Variants in PLCB4 observed in about 807,000 individuals in gnomAD.
PLCB4 encodes 1-phosphatidylinositol 4,5-bisphosphate phosphodiesterase beta-4.
A neutral mutation model predicts 178.8 loss-of-function variants in PLCB4; 77 were observed. The observed-to-expected ratio is 0.43, with a 90% CI of 0.36 to 0.52. The LOEUF (loss-of-function observed/expected upper bound fraction) is 0.52. Ranked by LOEUF, PLCB4 falls within the 20% of genes least tolerant of loss-of-function variation. The probability of loss-of-function intolerance (pLI) is 0.00; values close to 1 mark genes in which losing one functional copy is unlikely to be tolerated. For missense variants in PLCB4, 1,024 were observed against 1,453.4 expected, an observed-to-expected ratio of 0.70 and a Z score of 4.80; for synonymous variants, 496 against 490.8, an observed-to-expected ratio of 1.01 and a Z score of -0.14.
intron 2 of PLCB4, among the ~76,000 whole-genome samples, chr20:9,159,501 C>T (rs183943144): frequency 2.5e-4 from 38 of 152,224 alleles, no homozygotes; most frequent in Admixed American, 8.5e-4. Flanking sequence ...CTTCTTAATT[C>T]CCAAGACCTC....
intron 3 of PLCB4, among the ~76,000 whole-genome samples, chr20:9,219,898 A>C (rs1357668818): frequency 1.3e-5 from 2 of 152,174 alleles, no homozygotes; most frequent in African/African-American, 4.8e-5. Context: ...TTAGTTCTAA[A>C]TGTATTTTTT....
intron 19 of PLCB4, among the ~76,000 whole-genome samples, chr20:9,400,982 C>T (rs1277401829): frequency 2.0e-5 from 3 of 152,012 alleles, no homozygotes; most frequent in African/African-American, 7.2e-5. Flanking sequence ...GTAGCACAAT[C>T]CTTCTGAGGC....
At chr20:9,251,064 T>C (rs1359578500) in intron 3 of PLCB4, among the ~76,000 whole-genome samples, 1 of 152,204 alleles carries the variant, frequency 6.6e-6, no homozygotes, top group Non-Finnish European at 1.5e-5. Context: ...CTCTTGCTAT[T>C]ATCTGTTGGG....
chr20:9,297,380 G>A (rs1400258870), intron 3 of PLCB4, among the ~76,000 whole-genome samples: 1 of 152,014 alleles, frequency 6.6e-6, no homozygotes, highest in Non-Finnish European at 1.5e-5. Context: ...AAGGGTCAGA[G>A]TGGGGTGAGG....
At chr20:9,116,508 G>A (rs916020550) in intron 2 of PLCB4, among the ~76,000 whole-genome samples, 9 of 152,010 alleles carry the variant, frequency 5.9e-5, no homozygotes, top group African/African-American at 1.9e-4. Context: ...CAGTATCACA[G>A]AGCTAAGACT....
At chr20:9,418,686 C>T (rs943739467) in intron 25 of PLCB4, among the ~76,000 whole-genome samples, 1 of 152,070 alleles carries the variant, frequency 6.6e-6, no homozygotes, top group African/African-American at 2.4e-5. Flanking sequence ...TTAGGATTAG[C>T]TTGTCAGTTT....
At chr20:9,220,129 G>A (rs2093779917) in intron 3 of PLCB4, among the ~76,000 whole-genome samples, 2 of 152,062 alleles carry the variant, frequency 1.3e-5, no homozygotes, top group Admixed American at 1.3e-4. Flanking sequence ...TGCATTAAGT[G>A]ACCTTTGCAT....
At position 9,238,469 on chromosome 20, in the gene PLCB4, G is replaced by A. The variant is rs1005827323; in HGVS notation, c.-16+21017G>A. The stretch of plus-strand genomic sequence containing the variant: ...CATCCTTCAGCACAGCAGGAACACT[G>A]GTGAACAGCATAGCCTTTGATTTCC... On this transcript the variant is annotated intron_variant, in intron 3 of 39. Coordinates refer to ENST00000378473, the MANE Select transcript of PLCB4 (RefSeq NM_001377142.1). Among the ~76,000 whole-genome samples the A allele has an allele frequency of 2.6e-5, 4 of 152,116 alleles. No individual in the cohort carries two copies. In the South Asian group the frequency reaches 8.3e-4, roughly 32 times the overall value.
Position 9,339,007 on chromosome 20 carries a change from C to T in PLCB4, c.339C>T (p.Tyr113=), listed in dbSNP as rs763420743. The T allele has an allele frequency of 6.2e-7, 1 of 1,613,264 alleles. No homozygotes were observed. The highest frequency in any genetic ancestry group is 8.5e-7 in the Non-Finnish European group (1 of 1,179,472). The change falls in exon 7 of 40, where the codon TAC becomes TAT. Residue 113 remains tyrosine (Y), a synonymous_variant. Transcript: ENST00000378473. ...GTDLVNISFT[Y]MVAENPEVTK... ...ATCTAGTGAACATTAGTTTTACCTACATGGTGGCTGAAAATCCAGAAGTAA... is the reference window on the plus strand; with the variant it reads ...ATCTAGTGAACATTAGTTTTACCTATATGGTGGCTGAAAATCCAGAAGTAA...
intron 7 of PLCB4, among the ~76,000 whole-genome samples, chr20:9,349,459 C>T (rs1244336194): frequency 6.6e-6 from 1 of 152,120 alleles, no homozygotes; most frequent in African/African-American, 2.4e-5. Context: ...TCAATGTAAC[C>T]GCAAATCCCC....
chr20:9,099,065 T>C (rs1395622903), intron 2 of PLCB4, among the ~76,000 whole-genome samples: 1 of 152,038 alleles, frequency 6.6e-6, no homozygotes, highest in Non-Finnish European at 1.5e-5. Flanking sequence ...TCTTAATCAA[T>C]AGAAATTAAA....
At chr20:9,218,950 A>G (rs1434916380) in intron 3 of PLCB4, among the ~76,000 whole-genome samples, 2 of 152,120 alleles carry the variant, frequency 1.3e-5, no homozygotes, top group Non-Finnish European at 2.9e-5. Context: ...AATCTGGACT[A>G]TCCACTTTCT....
chr20:9,196,983 G>A (rs1457652148), intron 2 of PLCB4, among the ~76,000 whole-genome samples: 2 of 152,192 alleles, frequency 1.3e-5, no homozygotes, highest in African/African-American at 2.4e-5. Flanking sequence ...AAGAAAGCAA[G>A]ATGCTCAGTG....
At chr20:9,186,958 G>C (rs754260957) in intron 2 of PLCB4, among the ~76,000 whole-genome samples, 1 of 151,728 alleles carries the variant, frequency 6.6e-6, no homozygotes, top group South Asian at 2.1e-4. Flanking sequence ...TTCCCTACCT[G>C]TTGTTTTATT....
At chr20:9,370,309 T>A (rs1160765364) in intron 9 of PLCB4, among the ~76,000 whole-genome samples, 4 of 152,184 alleles carry the variant, frequency 2.6e-5, no homozygotes, top group Admixed American at 2.6e-4. Context: ...CAACCCATCA[T>A]GTTGACAGTA....
At chr20:9,455,114 T>C (rs1255237502) in intron 33 of PLCB4, among the ~76,000 whole-genome samples, 1 of 152,204 alleles carries the variant, frequency 6.6e-6, no homozygotes, top group Non-Finnish European at 1.5e-5. Flanking sequence ...AATTAATTTC[T>C]CATATTTAAT....
chr20:9,449,070 T>C (rs181578013), intron 32 of PLCB4, among the ~76,000 whole-genome samples: 39 of 152,160 alleles, frequency 2.6e-4, no homozygotes, highest in African/African-American at 9.2e-4. Flanking sequence ...GCAATCAAAC[T>C]TCTACTTGTC....
chr20:9,473,444 A>G (rs2044325807), intron 38 of PLCB4, 79 bp downstream of exon 38: 18 of 704,720 alleles, frequency 2.6e-5, no homozygotes, highest in Admixed American at 2.2e-4. Flanking sequence ...CACAGTGACC[A>G]GTGGCTTGCA....
At chr20:9,301,775 C>T (rs1335089916) in intron 3 of PLCB4, among the ~76,000 whole-genome samples, 5 of 152,130 alleles carry the variant, frequency 3.3e-5, no homozygotes, top group Admixed American at 6.5e-5. Context: ...CCTTCTAGGA[C>T]TCCCCTTCTT....
Sources: gnomAD v4.1 joint callset for allele counts (sites outside exome capture counted in the v4.1 genomes callset) on GRCh38, gnomAD v4.1.1 for gene constraint, MANE v1.5 for transcripts, NCBI Gene and HGNC (gene_info 2026-07-23, HGNC 2026-07-21) for gene names.